The following SLC8A3 variants were observed in gnomAD, a reference collection of about 807,000 sequenced individuals.
SLC8A3 encodes sodium/calcium exchanger 3.
A neutral mutation model predicts 65.4 loss-of-function variants in SLC8A3; 37 were observed. The observed-to-expected ratio is 0.57, with a 90% CI of 0.44 to 0.74. SLC8A3 has a LOEUF of 0.74. Ranked by LOEUF, SLC8A3 falls within the 30% of genes least tolerant of loss-of-function variation. The probability of loss-of-function intolerance (pLI) is 0.00; values close to 1 mark genes in which losing one functional copy is unlikely to be tolerated. For synonymous variants in SLC8A3, 461 were observed against 444.5 expected, an observed-to-expected ratio of 1.04 and a Z score of -0.47; for missense variants, 1,112 against 1,172.1, an observed-to-expected ratio of 0.95 and a Z score of 0.75.
At chr14:70,102,967 G>A (rs1465172604) in intron 2 of SLC8A3, among the ~76,000 whole-genome samples, 3 of 151,968 alleles carry the variant, frequency 2.0e-5, no homozygotes, top group Non-Finnish European at 4.4e-5. Flanking sequence ...GGAACACCAA[G>A]TGGAATAAAT....
rs1381778739 is a variant in SLC8A3, at chr14:70,055,810, A to C, written c.1889-3696T>G. The C allele has an allele frequency of 1.2e-6, 2 of 1,610,936 alleles. No individual in the cohort carries two copies. The highest frequency in any genetic ancestry group is 3.4e-5 in the Admixed American group (2 of 59,472). ...ACACCTCTTACCTGGAGATAACAGGAGCGCTGTTTGCAAATGGATACCAGA... is the reference window on the plus strand; with the variant it reads ...ACACCTCTTACCTGGAGATAACAGGCGCGCTGTTTGCAAATGGATACCAGA... On this transcript the variant is annotated intron_variant, in intron 3 of 6. Coordinates refer to ENST00000356921, the MANE Select transcript of SLC8A3 (RefSeq NM_182932.3).
At chr14:70,131,638 C>G (rs552971078) in intron 2 of SLC8A3, among the ~76,000 whole-genome samples, 1 of 152,320 alleles carries the variant, frequency 6.6e-6, no homozygotes, top group South Asian at 2.1e-4. Flanking sequence ...CTCCTGATTT[C>G]TCTTGTTGAA....
Position 70,046,328 on chromosome 14 carries a change from A to G in SLC8A3, c.2390-5T>C, listed in dbSNP as rs1886793987. ...CAGCTTTGCTGGCAAACGTATCTGG[A>G]AAAGGACAAAGACACATGGGAACTG... On this transcript the variant is annotated splice_region_variant and splice_polypyrimidine_tract_variant and intron_variant, in intron 6 of 6. Coordinates refer to ENST00000356921, the MANE Select transcript of SLC8A3 (RefSeq NM_182932.3). The surrounding 1 kb of genome is among the most constrained non-coding windows in gnomAD (Gnocchi z 4.2). 6.3e-7 allele frequency: 1 copy of G among 1,598,316 alleles called. No individual in the cohort carries two copies.
intron 2 of SLC8A3, among the ~76,000 whole-genome samples, chr14:70,136,860 CA>C (rs1895232371): frequency 6.6e-6 from 1 of 152,198 alleles, no homozygotes; most frequent in Non-Finnish European, 1.5e-5. Context: ...GTTGGTTGAC[CA>C]AACATCCTTG....
In SLC8A3 at chr14:70,166,769, C is replaced by T. The variant is rs1173323936; in HGVS notation, c.1654G>A (p.Val552Ile). ...SESIGVMEVK[V>I]LRTSGARGTV... Reference sequence around the variant, plus strand: ...CCCCGGGCACCTGATGTCCGCAGAACCTTGACCTCCATAACACCAATACTC... The same window carrying T: ...CCCCGGGCACCTGATGTCCGCAGAATCTTGACCTCCATAACACCAATACTC... The change falls in exon 2 of 7, where the codon GTT becomes ATT. Residue 552 changes from valine to isoleucine, a missense_variant. Physicochemically the swap from Val to Ile is conservative, Grantham distance 29. Coordinates refer to ENST00000356921, the MANE Select transcript of SLC8A3 (RefSeq NM_182932.3). 1 of 1,614,040 alleles carries T rather than the reference C, an allele frequency of 6.2e-7. No individual in the cohort carries two copies. The highest frequency in any genetic ancestry group is 8.5e-7 in the Non-Finnish European group (1 of 1,179,890).
intron 1 of SLC8A3, among the ~76,000 whole-genome samples, chr14:70,178,930 T>A (rs1332527012): frequency 2.0e-5 from 3 of 152,202 alleles, no homozygotes; most frequent in Admixed American, 2.0e-4. Context: ...ATTCTTTGTA[T>A]CCTCTCTCTT....
intron 2 of SLC8A3, among the ~76,000 whole-genome samples, chr14:70,151,779 T>C (rs1027962022): frequency 5.9e-5 from 9 of 152,148 alleles, no homozygotes; most frequent in African/African-American, 2.2e-4. Context: ...GGAGAATCTG[T>C]TCCATGCCTT....
Position 70,104,989 on chromosome 14 carries a change from A to G in SLC8A3, c.1785-44050T>C, listed in dbSNP as rs190126804. ...CAGTATAATGTAGATAAAAAATAGG[A>G]AAAATTATCAAAGCCAAAATGTAGT... On this transcript the variant is annotated intron_variant, in intron 2 of 6. Coordinates refer to ENST00000356921, the MANE Select transcript of SLC8A3 (RefSeq NM_182932.3). 3.2e-3 allele frequency among the ~76,000 whole-genome samples: 493 copies of G among 152,338 alleles called. 15 individuals carry two copies. In the South Asian group the frequency reaches 0.033, roughly 10 times the overall value.
Position 70,168,475 on chromosome 14 carries a change from G to A in SLC8A3, c.-53C>T. 7.0e-7 allele frequency: 1 copy of A among 1,437,194 alleles called. No individual in the cohort carries two copies. The highest frequency in any genetic ancestry group is 9.6e-7 in the Non-Finnish European group (1 of 1,044,508). 89.0% of individuals were successfully genotyped at this position (1,437,194 alleles called of 1,614,324 possible). On this transcript the variant is annotated 5_prime_UTR_variant, in exon 2 of 7. Coordinates refer to ENST00000356921, the MANE Select transcript of SLC8A3 (RefSeq NM_182932.3). ...TGCAGCACCAGTTGTCCTCCTGATA[G>A]GCCAGAGACCTAGAAAAGATCAGAG...
chr14:70,061,719 T>C (rs1042991978), intron 2 of SLC8A3, among the ~76,000 whole-genome samples: 5 of 152,192 alleles, frequency 3.3e-5, no homozygotes, highest in Admixed American at 6.5e-5. Context: ...GATGCATTTC[T>C]GGGAAAATGT....
intron 3 of SLC8A3, among the ~76,000 whole-genome samples, chr14:70,057,385 C>T (rs1054388537): frequency 7.2e-5 from 11 of 152,160 alleles, no homozygotes; most frequent in Non-Finnish European, 7.4e-5. Context: ...CGTGGAAGAG[C>T]TTCCCCCAAG....
chr14:70,120,657 TCTGCCTTTAGC>T (rs1431982748), intron 2 of SLC8A3, among the ~76,000 whole-genome samples: 16 of 152,334 alleles, frequency 1.1e-4, no homozygotes, highest in African/African-American at 3.6e-4. Context: ...CTGTCCTCCC[TCTGCCTTTAGC>T]TTGCTGTGTG....
rs776570005 is a variant in SLC8A3, at chr14:70,167,768, T to C, written c.655A>G (p.Met219Val). 5.0e-6 allele frequency: 8 copies of C among 1,613,888 alleles called. No homozygotes were observed. The South Asian group carries it at 6.6e-5, about 13-fold the overall frequency. ...CCAGGGGAGAAGACTGCCAGAATCA[T>C]ATAGAGCCAGATGTAGGCAAAGATA... ...WSIFAYIWLY[M>V]ILAVFSPGVV... The change falls in exon 2 of 7, where the codon ATG becomes GTG. Residue 219 changes from methionine (M) to valine (V), a missense_variant. Met to Val is a conservative substitution (Grantham distance 21). Coordinates refer to ENST00000356921, the MANE Select transcript of SLC8A3 (RefSeq NM_182932.3).
chr14:70,124,167 A>C (rs966058078), intron 2 of SLC8A3, among the ~76,000 whole-genome samples: 2 of 152,166 alleles, frequency 1.3e-5, no homozygotes, highest in African/African-American at 4.8e-5. Flanking sequence ...CATTTCAGTC[A>C]GTAGAAAAAT....
At chr14:70,131,450 T>C (rs761162577) in intron 2 of SLC8A3, among the ~76,000 whole-genome samples, 36 of 152,218 alleles carry the variant, frequency 2.4e-4, no homozygotes, top group Non-Finnish European at 4.7e-4. Flanking sequence ...TTCTTCATCA[T>C]TGAGGCGAAC....
chr14:70,110,711 C>A (rs1014908965), intron 2 of SLC8A3, among the ~76,000 whole-genome samples: 4 of 125,298 alleles, frequency 3.2e-5, no homozygotes, highest in Admixed American at 1.0e-4. Flanking sequence ...GACAGAGTCT[C>A]GCTCTTTCAC....
chr14:70,056,124 T>C (rs1183649544), intron 3 of SLC8A3, among the ~76,000 whole-genome samples: 2 of 152,258 alleles, frequency 1.3e-5, no homozygotes, highest in South Asian at 4.2e-4. Context: ...AATGGGTAGG[T>C]TGGTCACTCA....
At chr14:70,058,212 G>A (rs1408053352) in intron 3 of SLC8A3, among the ~76,000 whole-genome samples, 2 of 152,082 alleles carry the variant, frequency 1.3e-5, no homozygotes, top group African/African-American at 4.8e-5. Flanking sequence ...GAATGTTTCA[G>A]ACTCTCCCAT....
At chr14:70,152,902 G>T (rs1272664949) in intron 2 of SLC8A3, among the ~76,000 whole-genome samples, 1 of 152,184 alleles carries the variant, frequency 6.6e-6, no homozygotes, top group African/African-American at 2.4e-5. Context: ...CATGCTCCCT[G>T]GAGAGAAGGC....
Sources: allele counts gnomAD v4.1 joint callset (sites outside exome capture counted in the v4.1 genomes callset), GRCh38; gene constraint gnomAD v4.1.1; non-coding constraint Gnocchi (gnomAD v3.1); transcripts MANE v1.5; gene names NCBI Gene and HGNC (gene_info 2026-07-23, HGNC 2026-07-21).